The following FOCAD variants were observed in gnomAD, a reference collection of about 807,000 sequenced individuals.
FOCAD encodes the protein KIAA1797.
A neutral mutation model predicts 225.6 loss-of-function variants in FOCAD; 198 were observed. The observed-to-expected ratio is 0.88, with a 90% CI of 0.78 to 0.99. The LOEUF is 0.99. Among genes scored for constraint, FOCAD ranks in the 50% least tolerant of loss-of-function variants. The pLI, the probability that FOCAD is intolerant of heterozygous loss-of-function variation, is 0.00. For synonymous variants in FOCAD, 897 were observed against 755.0 expected (o/e 1.19, Z -3.08); for missense variants, 2,713 against 2,123.6 (o/e 1.28, Z -5.46).
intron 15 of FOCAD, among the ~76,000 whole-genome samples, chr9:20,846,669 T>C (rs1251915339): frequency 1.3e-5 from 2 of 152,122 alleles, no homozygotes; most frequent in Non-Finnish European, 2.9e-5. Context: ...TGTTGATTAA[T>C]GTAGAAAGTA....
At chr9:20,945,910 C>T (rs765472729) in intron 29 of FOCAD, among the ~76,000 whole-genome samples, 8 of 151,630 alleles carry the variant, frequency 5.3e-5, no homozygotes, top group Non-Finnish European at 8.8e-5. Context: ...TTTTTTATCA[C>T]GAAAAAAGGA....
chr9:20,767,803 T>G (rs1214395014), intron 7 of FOCAD, among the ~76,000 whole-genome samples: 1 of 149,850 alleles, frequency 6.7e-6, no homozygotes, highest in Non-Finnish European at 1.5e-5. Context: ...GTAGTTTCTT[T>G]TGCTGTGCAG....
At position 20,703,232 on chromosome 9, in the gene FOCAD, A is replaced by G. The variant is rs568153931; in HGVS notation, c.-32-12090A>G. Among the ~76,000 whole-genome samples, 4 of 152,210 alleles carry G rather than the reference A, an allele frequency of 2.6e-5. No individual in the cohort carries two copies. In the South Asian group the frequency reaches 8.3e-4, roughly 32 times the overall value. On this transcript the variant is annotated intron_variant, in intron 1 of 43. Transcript: ENST00000338382. ...TTCGAGGGAACATGTGAAGGGAGAGAAGAAACAGCTTATTTGAACAATTGA... is the reference window on the plus strand; with the variant it reads ...TTCGAGGGAACATGTGAAGGGAGAGGAGAAACAGCTTATTTGAACAATTGA...
intron 5 of FOCAD, 31 bp from the exon 6 acceptor site, chr9:20,758,059 A>C (rs540867316): frequency 6.2e-5 from 91 of 1,478,116 alleles, no homozygotes; most frequent in Non-Finnish European, 7.9e-5. Context: ...CCTGAATAAC[A>C]GGTTCCCATG....
intron 2 of FOCAD, among the ~76,000 whole-genome samples, chr9:20,664,762 A>T (rs1587176591): frequency 6.6e-6 from 1 of 151,558 alleles, no homozygotes; most frequent in East Asian, 1.9e-4. Flanking sequence ...TACAGGCGTG[A>T]GCCATTGTGC....
At chr9:20,693,470 G>C (rs1438209389) in intron 1 of FOCAD, among the ~76,000 whole-genome samples, 1 of 151,996 alleles carries the variant, frequency 6.6e-6, no homozygotes, top group Non-Finnish European at 1.5e-5. Flanking sequence ...GCTTATTCTT[G>C]TCTTGCCTCT....
intron 2 of FOCAD, among the ~76,000 whole-genome samples, chr9:20,672,363 A>C (rs1163976534): frequency 6.6e-6 from 1 of 152,240 alleles, no homozygotes; most frequent in Non-Finnish European, 1.5e-5. Flanking sequence ...ATCTTTATTG[A>C]TAAATATCAA....
In FOCAD at chr9:20,897,203, A is replaced by G. The variant is rs1420859206; in HGVS notation, c.2626-9947A>G. ...CAAGTCTGCTCTGTCTGAAATTAAT[A>G]TAGGTCTTCCTGCTTTCTTTTGATT... On this transcript the variant is annotated intron_variant, in intron 21 of 43. Coordinates refer to ENST00000338382, the MANE Select transcript of FOCAD (RefSeq NM_001375567.1). Among the ~76,000 whole-genome samples, 5 of 151,802 alleles carry G rather than the reference A, an allele frequency of 3.3e-5. No homozygotes were observed. In the East Asian group the frequency reaches 7.7e-4, roughly 23 times the overall value.
intron 4 of FOCAD, among the ~76,000 whole-genome samples, chr9:20,721,974 CCCCTCCTTCCCTCCCT>C (rs1381937434): frequency 2.0e-4 from 8 of 39,292 alleles, no homozygotes; most frequent in South Asian, 2.6e-3. Flanking sequence ...TCTTTTTTCT[CCCCTCCTTCCCTCCCT>C]CCCTCCCTCC....
chr9:20,826,079 A>G lies in FOCAD; in HGVS notation c.1920+2964A>G, dbSNP rs533871143. Among the ~76,000 whole-genome samples the G allele has an allele frequency of 2.0e-5, 3 of 152,208 alleles. No homozygotes were observed. The South Asian group carries it at 6.2e-4, about 32-fold the overall frequency. ...GAATTGCTTTTAAAAAATTACAGCT[A>G]CTATTTCTTGGGTTCTGTAATTGTT... On this transcript the variant is annotated intron_variant, in intron 15 of 43. Coordinates refer to ENST00000338382, the MANE Select transcript of FOCAD (RefSeq NM_001375567.1).
At chr9:20,777,830 C>T (rs982847207) in intron 8 of FOCAD, among the ~76,000 whole-genome samples, 2 of 152,204 alleles carry the variant, frequency 1.3e-5, no homozygotes, top group East Asian at 1.9e-4. Flanking sequence ...AGGCCGGGCT[C>T]GGTGGCTCAC....
At chr9:20,770,858 C>T (rs1244837133) in intron 8 of FOCAD, among the ~76,000 whole-genome samples, 2 of 152,138 alleles carry the variant, frequency 1.3e-5, no homozygotes, top group Admixed American at 6.5e-5. Flanking sequence ...AATTAAAGAT[C>T]ACCACTGTGA....
chr9:20,722,552 G>A (rs1825872142), intron 4 of FOCAD, among the ~76,000 whole-genome samples: 1 of 152,196 alleles, frequency 6.6e-6, no homozygotes. Flanking sequence ...CACTCTCTCT[G>A]ACACTTAGTA....
chr9:20,871,835 C>G (rs1005980785), intron 18 of FOCAD, among the ~76,000 whole-genome samples: 1 of 148,198 alleles, frequency 6.7e-6, no homozygotes, highest in Admixed American at 6.7e-5. Context: ...GTGCAGCACA[C>G]CAGCATGGCA....
chr9:20,920,358 G>T (rs1405670717), intron 24 of FOCAD, among the ~76,000 whole-genome samples: 2 of 129,524 alleles, frequency 1.5e-5, no homozygotes, highest in African/African-American at 6.0e-5. Context: ...CTTTTACACT[G>T]TTGGTGGGAC....
At chr9:20,888,117 A>ATTTT (rs1564115115) in intron 21 of FOCAD, among the ~76,000 whole-genome samples, 1 of 72,224 alleles carries the variant, frequency 1.4e-5, no homozygotes, top group Non-Finnish European at 3.0e-5. Flanking sequence ...ATGTCTTTTC[A>ATTTT]TTTTCTTTTT....
intron 10 of FOCAD, among the ~76,000 whole-genome samples, chr9:20,789,094 C>A (rs942480384): frequency 6.6e-6 from 1 of 151,808 alleles, no homozygotes; most frequent in Non-Finnish European, 1.5e-5. Context: ...TATATTCTGC[C>A]TTAATGGGGA....
intron 5 of FOCAD, among the ~76,000 whole-genome samples, chr9:20,757,221 G>A (rs376623344): frequency 2.0e-5 from 3 of 152,118 alleles, no homozygotes; most frequent in East Asian, 1.9e-4. Flanking sequence ...GAGCCACCGC[G>A]TCCAGCCTTA....
intron 35 of FOCAD, among the ~76,000 whole-genome samples, chr9:20,967,004 G>T (rs1409671387): frequency 6.6e-6 from 1 of 151,526 alleles, no homozygotes; most frequent in East Asian, 1.9e-4. Context: ...TTAGGTATTT[G>T]GGGCCCCTTG....
Sources: gnomAD v4.1 joint callset for allele counts (sites outside exome capture counted in the v4.1 genomes callset) on GRCh38, gnomAD v4.1.1 for gene constraint, MANE v1.5 for transcripts, NCBI Gene and HGNC (gene_info 2026-07-23, HGNC 2026-07-21) for gene names.